ITPR1: variants seen among roughly 807,000 people sequenced by gnomAD.
ITPR1 encodes the protein inositol 1,4,5-trisphosphate-gated calcium channel ITPR1.
A neutral mutation model predicts 318.4 loss-of-function variants in ITPR1; 96 were observed. That is an observed-to-expected ratio of 0.30 (90% CI 0.26 to 0.36). The LOEUF (loss-of-function observed/expected upper bound fraction) is 0.36, where lower values mean the gene tolerates loss of function less well. ITPR1 is among the 10% of genes least tolerant of loss of function. ITPR1 has a pLI of 1.00. For synonymous variants in ITPR1, 1,312 were observed against 1,289.9 expected (o/e 1.02, Z -0.37); for missense variants, 2,440 against 3,460.2 (o/e 0.71, Z 7.40).
chr3:4,591,825 G>T (rs1336926300), intron 4 of ITPR1, among the ~76,000 whole-genome samples: 1 of 152,156 alleles, frequency 6.6e-6, no homozygotes, highest in African/African-American at 2.4e-5. Context: ...GAACATAATG[G>T]CTCACTTCAA....
intron 34 of ITPR1, among the ~76,000 whole-genome samples, chr3:4,698,117 A>G (rs530511815): frequency 6.6e-6 from 1 of 152,208 alleles, no homozygotes; most frequent in South Asian, 2.1e-4. Flanking sequence ...CAAGCATACC[A>G]CAGATTTAAA....
At chr3:4,659,015 G>C (rs2093773750) in intron 13 of ITPR1, among the ~76,000 whole-genome samples, 1 of 152,200 alleles carries the variant, frequency 6.6e-6, no homozygotes, top group Non-Finnish European at 1.5e-5. Context: ...CTGAGGCTCA[G>C]AGAGTTTAAG....
chr3:4,555,414 T>G (rs920797517), intron 4 of ITPR1, among the ~76,000 whole-genome samples: 1 of 152,254 alleles, frequency 6.6e-6, no homozygotes, highest in Admixed American at 6.5e-5. Flanking sequence ...AGGCGTATAT[T>G]AAAACATACA....
intron 4 of ITPR1, among the ~76,000 whole-genome samples, chr3:4,546,528 A>G (rs1575485818): frequency 6.6e-6 from 1 of 152,196 alleles, no homozygotes. Context: ...GAGCTCGTGC[A>G]CCGTTCACTC....
At chr3:4,725,656 C>G in intron 41 of ITPR1, 75 bp downstream of exon 41, 1 of 1,334,006 alleles carries the variant, frequency 7.5e-7, no homozygotes, top group Non-Finnish European at 1.1e-6. Context: ...GGTTGGGTGT[C>G]TGAATTGTTG....
chr3:4,658,414 C>G, intron 13 of ITPR1, 136 bp downstream of exon 13: 1 of 704,620 alleles, frequency 1.4e-6, no homozygotes, highest in East Asian at 2.8e-5. Context: ...TTTGCACTGA[C>G]TGCCCGGTAT....
intron 33 of ITPR1, 72 bp downstream of exon 33, chr3:4,693,813 C>T: frequency 2.0e-6 from 3 of 1,505,756 alleles, no homozygotes; most frequent in Non-Finnish European, 2.7e-6. Flanking sequence ...CACTGGGAGA[C>T]ATGGTGGTGG....
chr3:4,511,922 G>A (rs2081857950), intron 2 of ITPR1, among the ~76,000 whole-genome samples: 1 of 152,216 alleles, frequency 6.6e-6, no homozygotes, highest in South Asian at 2.1e-4. Flanking sequence ...GCTTCAGAGG[G>A]CAGATGAATA....
At chr3:4,623,288 G>A (rs895059772) in intron 4 of ITPR1, among the ~76,000 whole-genome samples, 2 of 152,176 alleles carry the variant, frequency 1.3e-5, no homozygotes, top group Non-Finnish European at 2.9e-5. Flanking sequence ...AGCCCACCCA[G>A]CCCCTTAACG....
chr3:4,620,686 T>G (rs969786606), intron 4 of ITPR1, among the ~76,000 whole-genome samples: 1 of 148,898 alleles, frequency 6.7e-6, no homozygotes, highest in African/African-American at 2.4e-5. Flanking sequence ...GTGGGTTTTT[T>G]TTTTTTTTTT....
chr3:4,700,022 A>G lies in ITPR1; in HGVS notation c.4536+81A>G, dbSNP rs987131996. The stretch of plus-strand genomic sequence containing the variant: ...CTTGATGTGAATTTGGGAGTAAGCA[A>G]TTGTAAATGAACTGGTCTGCAAGGC... On this transcript the variant is annotated intron_variant, in intron 35 of 61. Coordinates refer to ENST00000649015, the MANE Select transcript of ITPR1 (RefSeq NM_001378452.1). 4.7e-6 allele frequency: 6 copies of G among 1,283,006 alleles called. No homozygotes were observed. In the African/African-American group the frequency reaches 5.9e-5, roughly 13 times the overall value. The allele number at this position is 1,283,006 out of a possible 1,614,324, so 79.5% of individuals were successfully genotyped here. A position where few individuals can be genotyped will look rare whatever the true frequency, so the allele number is the denominator to read the frequency against.
chr3:4,687,625 G>C (rs2094416676), intron 30 of ITPR1, among the ~76,000 whole-genome samples: 1 of 152,154 alleles, frequency 6.6e-6, no homozygotes, highest in Non-Finnish European at 1.5e-5. Flanking sequence ...AGAAATTCTT[G>C]TTCTGTTTTT....
intron 25 of ITPR1, 66 bp downstream of exon 25, chr3:4,680,757 CAAA>C: frequency 7.3e-7 from 1 of 1,376,254 alleles, no homozygotes; most frequent in Non-Finnish European, 9.9e-7. Context: ...ATGGGGAGAG[CAAA>C]CAGTATCTTC....
At chr3:4,715,258 C>T (rs551509876) in intron 39 of ITPR1, among the ~76,000 whole-genome samples, 1 of 152,320 alleles carries the variant, frequency 6.6e-6, no homozygotes, top group African/African-American at 2.4e-5. Context: ...TGAGGTCCAC[C>T]TACAGGTTGA....
At chr3:4,505,130 A>G (rs372517235) in intron 2 of ITPR1, among the ~76,000 whole-genome samples, 24 of 152,074 alleles carry the variant, frequency 1.6e-4, no homozygotes, top group East Asian at 7.7e-4. Flanking sequence ...TTGGCTTGCC[A>G]GGTGCTTTGA....
At chr3:4,724,345 C>T (rs2042362044) in intron 40 of ITPR1, 1 of 152,216 alleles carries the variant, frequency 6.6e-6, no homozygotes, top group South Asian at 2.1e-4. Context: ...GCTTTCTTCC[C>T]TCTTGGGGAT....
intron 60 of ITPR1, among the ~76,000 whole-genome samples, chr3:4,821,780 AAC>A (rs1191666660): frequency 1.3e-5 from 2 of 152,218 alleles, no homozygotes; most frequent in Admixed American, 1.3e-4. Flanking sequence ...TGTAGATAGA[AAC>A]AGTGTGTTTC....
intron 4 of ITPR1, among the ~76,000 whole-genome samples, chr3:4,580,378 C>G (rs1217558306): frequency 6.6e-6 from 1 of 152,166 alleles, no homozygotes. Context: ...TTTAACTCAT[C>G]CAGCCATTCC....
At chr3:4,639,252 C>T (rs1575841577) in intron 5 of ITPR1, 132 bp from the exon 6 acceptor site, 4 of 677,734 alleles carry the variant, frequency 5.9e-6, no homozygotes, top group Admixed American at 5.1e-5. Flanking sequence ...CTTGAAGCCT[C>T]AGGGTGTGTC....
Sources: gnomAD v4.1 joint callset for allele counts (sites outside exome capture counted in the v4.1 genomes callset) on GRCh38, gnomAD v4.1.1 for gene constraint, MANE v1.5 for transcripts, NCBI Gene and HGNC (gene_info 2026-07-23, HGNC 2026-07-21) for gene names.